Variants in GFRA2 observed in about 807,000 individuals in gnomAD.
The protein encoded by GFRA2 is GDNF family receptor alpha 2.
Under a neutral mutation model 48.3 loss-of-function variants are expected in GFRA2, and 17 were observed. The ratio of observed to expected loss-of-function variants is 0.35; its 90% CI spans 0.24 to 0.53. The LOEUF is 0.53. Among genes scored for constraint, GFRA2 ranks in the 20% least tolerant of loss-of-function variants. The probability of loss-of-function intolerance (pLI) is 0.93; values close to 1 mark genes in which losing one functional copy is unlikely to be tolerated. For synonymous variants in GFRA2, 305 were observed against 257.2 expected, an observed-to-expected ratio of 1.19 and a Z score of -1.78; for missense variants, 660 against 637.3, an observed-to-expected ratio of 1.04 and a Z score of -0.38.
chr8:21,761,432 T>C (rs1162250164), intron 3 of GFRA2, among the ~76,000 whole-genome samples: 1 of 152,200 alleles, frequency 6.6e-6, no homozygotes, highest in Non-Finnish European at 1.5e-5. Context: ...GGTCCAGCAG[T>C]GGCTTGTGGG....
intron 1 of GFRA2, chr8:21,812,205 C>A (rs1807994379): frequency 6.6e-6 from 1 of 152,292 alleles, no homozygotes; most frequent in Non-Finnish European, 1.5e-5. Context: ...AACCCAGTCT[C>A]ACTTGGATGC....
At chr8:21,763,581 G>A (rs1242454518) in intron 3 of GFRA2, among the ~76,000 whole-genome samples, 1 of 152,082 alleles carries the variant, frequency 6.6e-6, no homozygotes, top group Non-Finnish European at 1.5e-5. Flanking sequence ...CACTGCCGTA[G>A]TCATATCCTT....
At chr8:21,766,460 G>C (rs1331596342) in intron 3 of GFRA2, among the ~76,000 whole-genome samples, 1 of 151,956 alleles carries the variant, frequency 6.6e-6, no homozygotes, top group Non-Finnish European at 1.5e-5. Flanking sequence ...AGGGTGCTCA[G>C]TGAGTTATCT....
chr8:21,757,878 T>C (rs976428861), intron 3 of GFRA2, among the ~76,000 whole-genome samples: 1 of 152,204 alleles, frequency 6.6e-6, no homozygotes, highest in African/African-American at 2.4e-5. Flanking sequence ...AATACCTATC[T>C]AGATTTATCC....
At position 21,717,212 on chromosome 8, in the gene GFRA2, C is replaced by A. The variant is rs575398244; in HGVS notation, c.795-11171G>T. On this transcript the variant is annotated intron_variant, in intron 4 of 8. Transcript: ENST00000524240. ...AGCAACTCCGAAGACAGATGATGAT[C>A]AAATTCATGAAAGAAGACAGAACTG... is the stretch of plus-strand genomic sequence containing the variant. 3.3e-5 allele frequency among the ~76,000 whole-genome samples: 5 copies of A among 152,294 alleles called. No individual in the cohort carries two copies. The South Asian group carries it at 6.2e-4, about 19-fold the overall frequency.
At chr8:21,799,308 C>T (rs1224633744) in intron 2 of GFRA2, among the ~76,000 whole-genome samples, 10 of 151,920 alleles carry the variant, frequency 6.6e-5, no homozygotes, top group African/African-American at 2.2e-4. Context: ...AGCTCCGCCT[C>T]CTGGGTTCAC....
chr8:21,795,846 G>A (rs1807665134), intron 2 of GFRA2, among the ~76,000 whole-genome samples: 1 of 152,186 alleles, frequency 6.6e-6, no homozygotes, highest in Non-Finnish European at 1.5e-5. Flanking sequence ...ACCTACTACA[G>A]GCCTGGGCTT....
intron 3 of GFRA2, among the ~76,000 whole-genome samples, chr8:21,772,876 T>A (rs34960960): frequency 0.3 from 45,237 of 152,060 alleles, 7,019 homozygotes; most frequent in African/African-American, 0.38. Flanking sequence ...AAGGCGAGGA[T>A]CTCTACGCTT....
chr8:21,702,367 CT>C (rs1444805778), intron 7 of GFRA2, among the ~76,000 whole-genome samples: 1 of 152,200 alleles, frequency 6.6e-6, no homozygotes, highest in Non-Finnish European at 1.5e-5. Flanking sequence ...GGCACATGCA[CT>C]TCTGCAATGG....
At chr8:21,811,697 A>G (rs1035234233) in intron 1 of GFRA2, among the ~76,000 whole-genome samples, 16 of 152,042 alleles carry the variant, frequency 1.1e-4, no homozygotes, top group Admixed American at 3.3e-4. Flanking sequence ...CCTAACAGAT[A>G]GCTTCCCCTG....
At position 21,780,299 on chromosome 8, in the gene GFRA2, A is replaced by T. The variant is rs971881634; in HGVS notation, c.355+2286T>A. ...TGTGTCACCCTCTGAGGCACACAGC[A>T]GGTGTCTAAGAAGCTAAGAGCCTCA... is the stretch of plus-strand genomic sequence containing the variant. On this transcript the variant is annotated intron_variant, in intron 2 of 8. Coordinates refer to ENST00000524240, the MANE Select transcript of GFRA2 (RefSeq NM_001495.5). 6.6e-5 allele frequency among the ~76,000 whole-genome samples: 10 copies of T among 152,172 alleles called. No homozygotes were observed. The South Asian group carries it at 1.5e-3, about 22-fold the overall frequency.
At chr8:21,780,206 G>T (rs1218833234) in intron 2 of GFRA2, among the ~76,000 whole-genome samples, 1 of 151,956 alleles carries the variant, frequency 6.6e-6, no homozygotes, top group African/African-American at 2.4e-5. Context: ...CCAGCAGGAG[G>T]GCCCGGGGAA....
At chr8:21,765,071 A>G (rs1806089605) in intron 3 of GFRA2, among the ~76,000 whole-genome samples, 1 of 152,032 alleles carries the variant, frequency 6.6e-6, no homozygotes, top group Non-Finnish European at 1.5e-5. Context: ...TGACCAGGCT[A>G]ACCACTTCCT....
upstream of GFRA2, among the ~76,000 whole-genome samples, chr8:21,792,930 G>A (rs7843088): frequency 0.49 from 74,521 of 152,044 alleles, 19,550 homozygotes; most frequent in African/African-American, 0.68. Context: ...ATCCAGGTGC[G>A]GTGGCGCACA....
At chr8:21,744,832 G>A (rs1362010749) in intron 4 of GFRA2, among the ~76,000 whole-genome samples, 5 of 152,092 alleles carry the variant, frequency 3.3e-5, no homozygotes, top group South Asian at 4.2e-4. Flanking sequence ...AGGCTCGTGC[G>A]ATATGAACCA....
chr8:21,723,550 C>T (rs1428942395), intron 4 of GFRA2, among the ~76,000 whole-genome samples: 1 of 152,192 alleles, frequency 6.6e-6, no homozygotes, highest in Non-Finnish European at 1.5e-5. Context: ...GATAAATGAA[C>T]AGAAGCCTTG....
chr8:21,797,962 G>A (rs1267714789), intron 2 of GFRA2, among the ~76,000 whole-genome samples: 2 of 152,118 alleles, frequency 1.3e-5, no homozygotes, highest in African/African-American at 4.8e-5. Flanking sequence ...TTGCCACAAC[G>A]AGCAGCTACA....
chr8:21,780,042 C>T (rs974689738), intron 2 of GFRA2, among the ~76,000 whole-genome samples: 12 of 147,996 alleles, frequency 8.1e-5, no homozygotes, highest in Middle Eastern at 7.1e-3. Flanking sequence ...TTAAACTGCT[C>T]GATCCTCTCC....
chr8:21,694,583 G>C, intron 7 of GFRA2, 66 bp from the exon 8 acceptor site: 1 of 1,467,398 alleles, frequency 6.8e-7, no homozygotes, highest in Middle Eastern at 1.7e-4. Flanking sequence ...TTTGTCCAGA[G>C]ACTTAGATGA....
Sources: allele counts gnomAD v4.1 joint callset (sites outside exome capture counted in the v4.1 genomes callset), GRCh38; gene constraint gnomAD v4.1.1; transcripts MANE v1.5; gene names NCBI Gene and HGNC (gene_info 2026-07-23, HGNC 2026-07-21).